The following ADAM19 variants were observed in gnomAD, a reference collection of about 807,000 sequenced individuals.
ADAM19 encodes disintegrin and metalloproteinase domain-containing protein 19.
A neutral mutation model predicts 114.7 loss-of-function variants in ADAM19; 65 were observed. That is an observed-to-expected ratio of 0.57 (90% CI 0.46 to 0.70). ADAM19 has a LOEUF of 0.70. Ranked by LOEUF, ADAM19 falls within the 30% of genes least tolerant of loss-of-function variation. The probability of loss-of-function intolerance (pLI) is 0.00; values close to 1 mark genes in which losing one functional copy is unlikely to be tolerated. For synonymous variants in ADAM19, 466 were observed against 460.5 expected (o/e 1.01, Z -0.15); for missense variants, 1,063 against 1,204.7 (o/e 0.88, Z 1.74).
rs545809384 is a variant in ADAM19 at position 157,560,326 on chromosome 5, C to T, written c.251+4047G>A. 2.7e-4 allele frequency among the ~76,000 whole-genome samples: 40 copies of T among 148,850 alleles called. No individual in the cohort carries two copies. In the South Asian group the frequency reaches 4.1e-3, roughly 15 times the overall value. On this transcript the variant is annotated intron_variant, in intron 3 of 22. Transcript: ENST00000257527. ...GCAGAAAGAGCCTTCAGAGCCTATC[C>T]GGGGCCAAAATCTGCATTTTACAGA...
At chr5:157,500,550 C>T (rs1183043158) in intron 12 of ADAM19, among the ~76,000 whole-genome samples, 3 of 152,080 alleles carry the variant, frequency 2.0e-5, no homozygotes, top group South Asian at 4.1e-4. Flanking sequence ...CATGGGTGCC[C>T]TCCTGCCCCC....
At chr5:157,537,664 A>G (rs1229791865) in intron 4 of ADAM19, among the ~76,000 whole-genome samples, 1 of 152,262 alleles carries the variant, frequency 6.6e-6, no homozygotes, top group Non-Finnish European at 1.5e-5. Flanking sequence ...AGTAATTTGC[A>G]TCAATTGTAA....
chr5:157,485,708 G>A (rs1754911115), intron 21 of ADAM19, among the ~76,000 whole-genome samples: 2 of 152,186 alleles, frequency 1.3e-5, no homozygotes, highest in Admixed American at 1.3e-4. Context: ...CCTACTAGTG[G>A]GTCCTGGGAC....
At chr5:157,499,147 T>G (rs996134858) in intron 13 of ADAM19, among the ~76,000 whole-genome samples, 1 of 152,216 alleles carries the variant, frequency 6.6e-6, no homozygotes, top group South Asian at 2.1e-4. Flanking sequence ...AAAATAAGGA[T>G]AGTCACATAT....
intron 8 of ADAM19, among the ~76,000 whole-genome samples, 187 bp downstream of exon 8, chr5:157,513,247 G>C (rs188502782): frequency 6.6e-6 from 1 of 151,960 alleles, no homozygotes; most frequent in East Asian, 1.9e-4. Flanking sequence ...GCAACACAAA[G>C]AAAATGAGTT....
intron 3 of ADAM19, among the ~76,000 whole-genome samples, chr5:157,556,163 C>T (rs561689385): frequency 2.0e-5 from 3 of 150,600 alleles, no homozygotes; most frequent in African/African-American, 7.3e-5. Context: ...TTTACTGCAA[C>T]CTGTTTTATC....
At position 157,478,739 on chromosome 5, in the gene ADAM19, G is replaced by A; in HGVS notation, c.*2210C>T. 1 of 985,808 alleles carries A rather than the reference G, an allele frequency of 1.0e-6. No individual in the cohort carries two copies. The highest frequency in any genetic ancestry group is 1.2e-6 in the Non-Finnish European group (1 of 829,922). The allele number at this position is 985,808 out of a possible 1,614,324, so 61.1% of individuals were successfully genotyped here. A position where few individuals can be genotyped will look rare whatever the true frequency, so the allele number is the denominator to read the frequency against. On this transcript the variant is annotated 3_prime_UTR_variant, in exon 23 of 23. Coordinates refer to ENST00000257527, the MANE Select transcript of ADAM19 (RefSeq NM_033274.5). ...TTCCAGTTCACAGTACAACTTTATG[G>A]GATGGAGGTGATATGAAAATAATAA... is the stretch of plus-strand genomic sequence containing the variant.
chr5:157,552,395 T>TA (rs145113004), intron 3 of ADAM19, among the ~76,000 whole-genome samples: 35,595 of 151,846 alleles, frequency 0.23, 4,211 homozygotes, highest in South Asian at 0.37. Context: ...CTCATGCCTG[T>TA]AATCCTAGCA....
At chr5:157,482,013 T>A in intron 21 of ADAM19, 70 bp from the exon 22 acceptor site, 1 of 1,272,404 alleles carries the variant, frequency 7.9e-7, no homozygotes, top group South Asian at 1.5e-5. Context: ...CCTGATATCT[T>A]ACAGGTTAAA....
rs372164222 is a variant in ADAM19 at position 157,488,378 on chromosome 5, T to C, written c.2437A>G (p.Arg813Gly). ...PPAPLPAHLS[R>G]AARNSPGPGS... ...GGCCCTGGGGAGTTCCTAGCAGCCC[T>C]GCTCAGGTGAGCTGGCAGTGGTGCA... Residue 813 changes from arginine (R) to glycine (G), a missense_variant, in exon 21 of 23, where the codon AGG becomes GGG. By Grantham distance (125) the Arg-to-Gly change is moderately radical. Transcript: ENST00000257527. 20 of 1,614,048 alleles carry C rather than the reference T, an allele frequency of 1.2e-5. No individual in the cohort carries two copies. The highest frequency in any genetic ancestry group is 1.7e-5 in the Admixed American group (1 of 60,002).
chr5:157,574,938 C>T (rs564389933), intron 1 of ADAM19, among the ~76,000 whole-genome samples: 1 of 152,322 alleles, frequency 6.6e-6, no homozygotes, highest in African/African-American at 2.4e-5. Context: ...CAACCCGTGG[C>T]GTGGCCTTGG....
At chr5:157,520,143 G>A (rs1756236014) in intron 5 of ADAM19, 112 bp from the exon 6 acceptor site, 6 of 1,070,194 alleles carry the variant, frequency 5.6e-6, no homozygotes, top group Admixed American at 2.6e-5. Context: ...TTTGATCATT[G>A]GTTCTTAACC....
intron 1 of ADAM19, among the ~76,000 whole-genome samples, chr5:157,571,190 G>A (rs1267381797): frequency 6.6e-6 from 1 of 152,200 alleles, no homozygotes; most frequent in African/African-American, 2.4e-5. Context: ...TTGTAAAGGT[G>A]GGAGACAGAC....
intron 21 of ADAM19, among the ~76,000 whole-genome samples, chr5:157,483,616 T>C (rs1754832454): frequency 3.3e-5 from 5 of 150,242 alleles, no homozygotes; most frequent in Admixed American, 2.7e-4. Flanking sequence ...AGGGGAGGGG[T>C]GTGTTCCAGG....
Position 157,507,082 on chromosome 5 carries a change from C to T in ADAM19, c.964G>A (p.Val322Met). Residue 322 changes from valine (V) to methionine (M), a missense_variant, in exon 10 of 23, where the codon GTG becomes ATG. Around this residue, in one of 3 missense-constraint regions of ADAM19, gnomAD observed 615 missense variants for 706.3 expected, o/e 0.87. Transcript: ENST00000257527. ...ATGTTGACTCCTCCAGACTGGTACA[C>T]AGAGCACATGGCCATGAGGGGGGCC... ...GLAPLMAMCS[V>M]YQSGGVNMDH... 1 of 1,614,166 alleles carries T rather than the reference C, an allele frequency of 6.2e-7. No individual in the cohort carries two copies. The highest frequency in any genetic ancestry group is 8.5e-7 in the Non-Finnish European group (1 of 1,180,030).
At chr5:157,525,704 C>T (rs982396741) in intron 5 of ADAM19, among the ~76,000 whole-genome samples, 8 of 152,192 alleles carry the variant, frequency 5.3e-5, no homozygotes, top group Admixed American at 2.6e-4. Flanking sequence ...CAGAGATCCA[C>T]ACAGCCAGGA....
At chr5:157,550,729 T>A (rs1356599070) in intron 3 of ADAM19, among the ~76,000 whole-genome samples, 1 of 150,924 alleles carries the variant, frequency 6.6e-6, no homozygotes, top group South Asian at 2.1e-4. Context: ...TTAAAGAGTC[T>A]GCCCAAGCTC....
chr5:157,518,747 C>T (rs1313032385), intron 7 of ADAM19, 76 bp downstream of exon 7: 2 of 1,172,120 alleles, frequency 1.7e-6, no homozygotes, highest in Non-Finnish European at 2.6e-6. Context: ...CAACATTTCC[C>T]CAAAGCAGTC....
chr5:157,562,514 C>T (rs746636579), intron 3 of ADAM19, among the ~76,000 whole-genome samples: 14 of 152,228 alleles, frequency 9.2e-5, no homozygotes, highest in Non-Finnish European at 2.1e-4. Context: ...ATCCTCACAA[C>T]CATCCCACGA....
Sources: gnomAD v4.1 joint callset for allele counts (sites outside exome capture counted in the v4.1 genomes callset) on GRCh38, gnomAD v4.1.1 for gene constraint, gnomAD v4.1.1 regional missense constraint, MANE v1.5 for transcripts, NCBI Gene and HGNC (gene_info 2026-07-23, HGNC 2026-07-21) for gene names.